The following HOOK1 variants were observed in gnomAD, a reference collection of about 807,000 sequenced individuals.
The protein encoded by HOOK1 is hook microtubule tethering protein 1.
Under a neutral mutation model 112.8 loss-of-function variants are expected in HOOK1, and 60 were observed. The ratio of observed to expected loss-of-function variants is 0.53; its 90% CI spans 0.43 to 0.66. The LOEUF is 0.66. Among genes scored for constraint, HOOK1 ranks in the 30% least tolerant of loss-of-function variants. HOOK1 has a pLI of 0.00. For synonymous variants in HOOK1, 294 were observed against 283.8 expected (o/e 1.04, Z -0.36); for missense variants, 770 against 856.0 (o/e 0.90, Z 1.25).
intron 12 of HOOK1, among the ~76,000 whole-genome samples, chr1:59,850,167 C>T (rs1296132023): frequency 6.6e-6 from 1 of 151,360 alleles, no homozygotes; most frequent in African/African-American, 2.4e-5. Flanking sequence ...TGTATATCTT[C>T]CTTGGAAAAA....
At chr1:59,848,662 T>A in intron 11 of HOOK1, 146 bp downstream of exon 11, 1 of 601,894 alleles carries the variant, frequency 1.7e-6, no homozygotes. Flanking sequence ...TTTCTTTAAT[T>A]TTAATTCAAG....
In HOOK1 at chr1:59,832,152, T is replaced by G; in HGVS notation, c.223-11T>G. The G allele has an allele frequency of 7.0e-7, 1 of 1,437,164 alleles. No homozygotes were observed. The highest frequency in any genetic ancestry group is 1.4e-5 in the African/African-American group (1 of 69,142). The allele number at this position is 1,437,164 out of a possible 1,614,324, so 89.0% of individuals were successfully genotyped here. A position where few individuals can be genotyped will look rare whatever the true frequency, so the allele number is the denominator to read the frequency against. Reference sequence around the variant, plus strand: ...ATCTGAAATAAGAATCTCTTATTTTTTTCACATTAGGCCAGTAATGTAAAG... The same window carrying G: ...ATCTGAAATAAGAATCTCTTATTTTGTTCACATTAGGCCAGTAATGTAAAG... On this transcript the variant is annotated splice_polypyrimidine_tract_variant and intron_variant, in intron 3 of 21. Coordinates refer to ENST00000371208, the MANE Select transcript of HOOK1 (RefSeq NM_015888.6).
chr1:59,848,939 TA>T, intron 11 of HOOK1, 133 bp from the exon 12 acceptor site: 1 of 482,704 alleles, frequency 2.1e-6, no homozygotes. Flanking sequence ...CACAAGTATT[TA>T]AAATTAGACT....
intron 7 of HOOK1, 149 bp from the exon 8 acceptor site, chr1:59,840,159 G>A (rs2098400291): frequency 2.4e-6 from 1 of 418,640 alleles, no homozygotes; most frequent in South Asian, 1.2e-4. Flanking sequence ...TCTTTTTTTT[G>A]TTGTAAGAGT....
chr1:59,845,293 G>C (rs113623372), intron 9 of HOOK1, among the ~76,000 whole-genome samples: 3 of 152,086 alleles, frequency 2.0e-5, no homozygotes, highest in African/African-American at 7.2e-5. Flanking sequence ...CCACAATGGG[G>C]ATTAGGTTTC....
intron 4 of HOOK1, 35 bp from the exon 5 acceptor site, chr1:59,833,370 A>G: frequency 7.0e-7 from 1 of 1,426,354 alleles, no homozygotes; most frequent in Non-Finnish European, 9.3e-7. Context: ...TGCAGCCGAC[A>G]TAAATGAGTG....
intron 3 of HOOK1, among the ~76,000 whole-genome samples, chr1:59,830,614 G>T (rs889303130): frequency 1.3e-5 from 2 of 151,566 alleles, no homozygotes; most frequent in East Asian, 1.9e-4. Flanking sequence ...CTAATAGTTG[G>T]GTCTTACATT....
intron 9 of HOOK1, 90 bp downstream of exon 9, chr1:59,843,688 T>C (rs774473727): frequency 1.3e-5 from 13 of 983,410 alleles, no homozygotes; most frequent in Non-Finnish European, 1.9e-5. Context: ...TTACTAAGCA[T>C]TGTTAAGCAT....
intron 7 of HOOK1, among the ~76,000 whole-genome samples, chr1:59,837,454 ACTT>A (rs773355351): frequency 2.6e-5 from 4 of 152,158 alleles, no homozygotes; most frequent in African/African-American, 4.8e-5. Flanking sequence ...ATTTTTAAAC[ACTT>A]CTTCTTTTAT....
intron 20 of HOOK1, among the ~76,000 whole-genome samples, chr1:59,869,104 A>G (rs1347581154): frequency 5.9e-5 from 9 of 152,080 alleles, no homozygotes; most frequent in Admixed American, 3.9e-4. Flanking sequence ...GTAAATATAT[A>G]CTTCCTTTTA....
chr1:59,860,153 T>A (rs766914231), intron 14 of HOOK1, 35 bp from the exon 15 acceptor site: 120 of 1,518,338 alleles, frequency 7.9e-5, no homozygotes, highest in South Asian at 7.8e-5. Flanking sequence ...CTCATATTTT[T>A]AAAAATTAAA....
At chr1:59,815,626 A>C (rs568149418) in intron 1 of HOOK1, among the ~76,000 whole-genome samples, 6 of 151,450 alleles carry the variant, frequency 4.0e-5, no homozygotes, top group Non-Finnish European at 8.8e-5. Flanking sequence ...TCCTCAAACT[A>C]CCTTGCTCTA....
intron 16 of HOOK1, among the ~76,000 whole-genome samples, chr1:59,863,423 AATGATT>A (rs1234509505): frequency 6.6e-6 from 1 of 152,170 alleles, no homozygotes. Flanking sequence ...CTCCTTCCTT[AATGATT>A]CATGGCCTTA....
intron 12 of HOOK1, among the ~76,000 whole-genome samples, chr1:59,850,383 G>A (rs2098406508): frequency 6.6e-6 from 1 of 151,070 alleles, no homozygotes; most frequent in Non-Finnish European, 1.5e-5. Context: ...TGAGATCAGA[G>A]TTACTTGTTT....
chr1:59,840,798 G>A (rs143373217), intron 8 of HOOK1, among the ~76,000 whole-genome samples: 1 of 152,186 alleles, frequency 6.6e-6, no homozygotes, highest in African/African-American at 2.4e-5. Flanking sequence ...TCATATTTAT[G>A]TATGTAGTCT....
chr1:59,854,033 TATA>T lies in HOOK1; in HGVS notation c.1243-4394_1243-4392del, dbSNP rs1486287969. Among the ~76,000 whole-genome samples, 162 of 27,144 alleles carry T rather than the reference TATA, an allele frequency of 6.0e-3. 1 individual carries two copies. Among genetic ancestry groups the T allele is most frequent in the African/African-American group, 0.01 (50 of 4,888 alleles). 17.8% of individuals were successfully genotyped at this position (27,144 alleles called of 152,430 possible). A position where few individuals can be genotyped will look rare whatever the true frequency, so the allele number is the denominator to read the frequency against. ...ATATATATATATATATATATATATATATATATTTTTTTTTTTTTTTTTTTTTTT... is the reference window on the plus strand; with the variant it reads ...ATATATATATATATATATATATATATTATTTTTTTTTTTTTTTTTTTTTTT... On this transcript the variant is annotated intron_variant, in intron 12 of 21. Coordinates refer to ENST00000371208, the MANE Select transcript of HOOK1 (RefSeq NM_015888.6).
intron 5 of HOOK1, 149 bp downstream of exon 5, chr1:59,833,686 C>T (rs112094734): frequency 1.2e-5 from 7 of 586,994 alleles, no homozygotes; most frequent in African/African-American, 1.1e-4. Flanking sequence ...CCAACTCTGT[C>T]GTTGAAAAGT....
chr1:59,849,197 T>C lies in HOOK1; in HGVS notation c.1242+14T>C, dbSNP rs781616225. 5 of 1,501,808 alleles carry C rather than the reference T, an allele frequency of 3.3e-6. No homozygotes were observed. Among genetic ancestry groups the C allele is most frequent in the Non-Finnish European group, 4.6e-6 (5 of 1,084,576 alleles). 93.0% of individuals were successfully genotyped at this position (1,501,808 alleles called of 1,614,324 possible). ...AAGGAAAAAGAGGTAAACATAGATA[T>C]AATTGATAAGGAATATTTCATTGTT... On this transcript the variant is annotated intron_variant, in intron 12 of 21. Coordinates refer to ENST00000371208, the MANE Select transcript of HOOK1 (RefSeq NM_015888.6).
chr1:59,848,742 T>C (rs577624097), intron 11 of HOOK1, among the ~76,000 whole-genome samples: 8 of 151,592 alleles, frequency 5.3e-5, no homozygotes, highest in African/African-American at 1.9e-4. Context: ...ATTTTTTCTT[T>C]TGAGATTTTA....
Sources: allele counts gnomAD v4.1 joint callset (sites outside exome capture counted in the v4.1 genomes callset), GRCh38; gene constraint gnomAD v4.1.1; transcripts MANE v1.5; gene names NCBI Gene and HGNC (gene_info 2026-07-23, HGNC 2026-07-21).